Variants in KCNIP4 observed in about 807,000 individuals in gnomAD.
KCNIP4 encodes the protein Kv channel-interacting protein 4.
KCNIP4 carries 12 observed loss-of-function variants against 34.0 expected under a neutral mutation model. That is an observed-to-expected ratio of 0.35 (90% CI 0.23 to 0.57). The LOEUF (loss-of-function observed/expected upper bound fraction) is 0.57, where lower values mean the gene tolerates loss of function less well. Among genes scored for constraint, KCNIP4 ranks in the 20% least tolerant of loss-of-function variants. KCNIP4 has a pLI of 0.83. For missense variants in KCNIP4, 238 were observed against 311.7 expected, an observed-to-expected ratio of 0.76 and a Z score of 1.78; for synonymous variants, 124 against 102.2, an observed-to-expected ratio of 1.21 and a Z score of -1.29.
chr4:21,127,997 C>G (rs1423056483), intron 1 of KCNIP4, among the ~76,000 whole-genome samples: 1 of 152,202 alleles, frequency 6.6e-6, no homozygotes, highest in Non-Finnish European at 1.5e-5. Context: ...CTTTGCTTTC[C>G]TTCCATCACA....
chr4:21,442,504 A>G (rs751792268), intron 1 of KCNIP4, among the ~76,000 whole-genome samples: 36 of 152,226 alleles, frequency 2.4e-4, no homozygotes, highest in Non-Finnish European at 4.7e-4. Context: ...TGATTGCTGC[A>G]TTGCTAAATA....
rs112463703 is a variant in KCNIP4, at chr4:21,217,073, T to C, written c.62-334364A>G. ...CTGCATTATCTTATCTACTTTTCAT[T>C]ACGAGCTACGAAGTAGATGTTATTG... is the stretch of plus-strand genomic sequence containing the variant. On this transcript the variant is annotated intron_variant, in intron 1 of 8. Transcript: ENST00000382152. Among the ~76,000 whole-genome samples, 86 of 152,330 alleles carry C rather than the reference T, an allele frequency of 5.6e-4. 1 individual carries two copies. Among genetic ancestry groups the C allele is most frequent in the African/African-American group, 2.0e-3 (85 of 41,566 alleles).
chr4:21,885,888 C>T lies in KCNIP4; in HGVS notation c.61+62683G>A, dbSNP rs148548825. 6.2e-3 allele frequency among the ~76,000 whole-genome samples: 937 copies of T among 152,218 alleles called. 6 individuals are homozygous for T. The highest frequency in any genetic ancestry group is 1.0e-2 in the Non-Finnish European group (677 of 67,988). On this transcript the variant is annotated intron_variant, in intron 1 of 8. Transcript: ENST00000382152. ...TGCCACGAAGATGAGAATATTCGCA[C>T]TGAAATCCAAAGGATAGACATCCGC...
intron 1 of KCNIP4, among the ~76,000 whole-genome samples, chr4:21,266,834 G>A (rs1370016790): frequency 6.6e-6 from 1 of 152,166 alleles, no homozygotes; most frequent in Non-Finnish European, 1.5e-5. Context: ...AGGGGAGAGT[G>A]ATGCAATCAT....
At chr4:20,908,926 CTTA>C (rs1291912201) in intron 1 of KCNIP4, among the ~76,000 whole-genome samples, 6 of 152,144 alleles carry the variant, frequency 3.9e-5, no homozygotes, top group Admixed American at 1.3e-4. Context: ...GTAAATATTA[CTTA>C]TTGTTATTAT....
intron 1 of KCNIP4, among the ~76,000 whole-genome samples, chr4:21,669,872 A>G (rs536443554): frequency 3.8e-4 from 58 of 152,258 alleles, no homozygotes; most frequent in African/African-American, 1.3e-3. Context: ...GATATTACTG[A>G]AAAAGAATCT....
chr4:21,342,521 G>T (rs890898420), intron 1 of KCNIP4, among the ~76,000 whole-genome samples: 1 of 152,080 alleles, frequency 6.6e-6, no homozygotes, highest in African/African-American at 2.4e-5. Flanking sequence ...GCTGGAGTTA[G>T]AACACACTTC....
chr4:21,935,355 A>G (rs1265360924), intron 1 of KCNIP4, among the ~76,000 whole-genome samples: 1 of 152,052 alleles, frequency 6.6e-6, no homozygotes, highest in African/African-American at 2.4e-5. Context: ...TATTGTCCTC[A>G]GAAACCTTAA....
chr4:21,398,676 A>T (rs1289557134), intron 1 of KCNIP4, among the ~76,000 whole-genome samples: 1 of 152,228 alleles, frequency 6.6e-6, no homozygotes, highest in Non-Finnish European at 1.5e-5. Context: ...AATAAAACTC[A>T]TATTCCATTT....
chr4:21,595,145 C>T (rs961835678), intron 1 of KCNIP4, among the ~76,000 whole-genome samples: 1 of 151,944 alleles, frequency 6.6e-6, no homozygotes, highest in African/African-American at 2.4e-5. Flanking sequence ...ACCCTTGCAC[C>T]CCAACCCTCT....
chr4:21,338,454 A>G (rs1446400572), intron 1 of KCNIP4, among the ~76,000 whole-genome samples: 2 of 151,052 alleles, frequency 1.3e-5, no homozygotes, highest in African/African-American at 2.4e-5. Flanking sequence ...TTAGTAAATG[A>G]TGTCTAGCCA....
chr4:21,324,957 T>C (rs1714885337), intron 1 of KCNIP4, among the ~76,000 whole-genome samples: 1 of 152,012 alleles, frequency 6.6e-6, no homozygotes. Context: ...TGGTTTTCAT[T>C]GTAGAGATCT....
At chr4:21,107,989 C>T (rs1252536602) in intron 1 of KCNIP4, among the ~76,000 whole-genome samples, 3 of 151,338 alleles carry the variant, frequency 2.0e-5, no homozygotes, top group African/African-American at 4.9e-5. Context: ...TGATGGGCTT[C>T]CCTTTGTGGG....
rs189425419 is a variant in KCNIP4 at position 21,141,043 on chromosome 4, T to C, written c.62-258334A>G. On this transcript the variant is annotated intron_variant, in intron 1 of 8. Coordinates refer to ENST00000382152, the MANE Select transcript of KCNIP4 (RefSeq NM_025221.6). The stretch of plus-strand genomic sequence containing the variant: ...CTAGACCCTGGCAATAAAGCAAATA[T>C]AGCAACAGAACAAGTCAGACAAACT... Among the ~76,000 whole-genome samples, 8 of 152,320 alleles carry C rather than the reference T, an allele frequency of 5.3e-5. 1 individual carries two copies. The highest frequency in any genetic ancestry group is 2.1e-4 in the South Asian group (1 of 4,826).
intron 1 of KCNIP4, among the ~76,000 whole-genome samples, chr4:21,414,430 A>G (rs1724772901): frequency 6.6e-6 from 1 of 152,216 alleles, no homozygotes; most frequent in Non-Finnish European, 1.5e-5. Flanking sequence ...AGAAAACAAA[A>G]GACAAGTGTT....
intron 3 of KCNIP4, among the ~76,000 whole-genome samples, chr4:20,840,550 C>G (rs189629742): frequency 5.9e-5 from 9 of 152,230 alleles, no homozygotes; most frequent in Non-Finnish European, 2.9e-5. Context: ...ATGCCCCACA[C>G]CATCCTTCTG....
chr4:21,369,050 C>T (rs1720076999), intron 1 of KCNIP4, among the ~76,000 whole-genome samples: 1 of 147,112 alleles, frequency 6.8e-6, no homozygotes, highest in South Asian at 2.1e-4. Context: ...CAAAATCTTA[C>T]AGTTAGGTAG....
chr4:21,325,042 A>G (rs564059697), intron 1 of KCNIP4, among the ~76,000 whole-genome samples: 164 of 151,672 alleles, frequency 1.1e-3, no homozygotes, highest in African/African-American at 3.7e-3. Context: ...TTCTGGATTT[A>G]TTTTTCAGAT....
intron 1 of KCNIP4, among the ~76,000 whole-genome samples, chr4:21,542,365 A>T (rs551528925): frequency 1.3e-5 from 2 of 152,096 alleles, no homozygotes; most frequent in East Asian, 3.9e-4. Context: ...CTTCAAAAAT[A>T]TATTTTTAAA....
Sources: allele counts gnomAD v4.1 joint callset (sites outside exome capture counted in the v4.1 genomes callset), GRCh38; gene constraint gnomAD v4.1.1; transcripts MANE v1.5; gene names NCBI Gene and HGNC (gene_info 2026-07-23, HGNC 2026-07-21).